SYNDIG1: variants seen among roughly 807,000 people sequenced by gnomAD.
The protein encoded by SYNDIG1 is synapse differentiation-inducing gene protein 1.
A neutral mutation model predicts 19.4 loss-of-function variants in SYNDIG1; 9 were observed. The observed-to-expected ratio is 0.46, with a 90% CI of 0.28 to 0.81. The LOEUF (loss-of-function observed/expected upper bound fraction) is 0.81. Among genes scored for constraint, SYNDIG1 ranks in the 30% least tolerant of loss-of-function variants. The pLI, the probability that SYNDIG1 is intolerant of heterozygous loss-of-function variation, is 0.12. For missense variants in SYNDIG1, 311 were observed against 343.3 expected (o/e 0.91, Z 0.74); for synonymous variants, 141 against 145.9 (o/e 0.97, Z 0.24).
chr20:24,584,879 G>C lies in SYNDIG1; in HGVS notation c.504G>C (p.Glu168Asp), dbSNP rs1262202628. 1 of 1,614,050 alleles carries C rather than the reference G, an allele frequency of 6.2e-7. No homozygotes were observed. Among genetic ancestry groups the C allele is most frequent in the Non-Finnish European group, 8.5e-7 (1 of 1,180,036 alleles). ...AGAGCGACTACTCAAGCGACACAGA[G>C]AGTGAGGACAATTTCCTCATGATGC... ...ELESDYSSDT[E>D]SEDNFLMMPP... The change falls in exon 3 of 4, where the codon GAG becomes GAC. Residue 168 changes from glutamate to aspartate, a missense_variant. Transcript: ENST00000376862.
chr20:24,608,066 C>T (rs2058785465), intron 3 of SYNDIG1, among the ~76,000 whole-genome samples: 1 of 152,082 alleles, frequency 6.6e-6, no homozygotes, highest in East Asian at 1.9e-4. Context: ...TTTAGTGTTT[C>T]CTTCCAGTTG....
At chr20:24,563,625 A>G (rs1020351408) in intron 2 of SYNDIG1, among the ~76,000 whole-genome samples, 6 of 152,196 alleles carry the variant, frequency 3.9e-5, no homozygotes, top group Non-Finnish European at 8.8e-5. Context: ...ATTTAGAGAT[A>G]GGGTCTTGCT....
At chr20:24,563,368 T>G (rs541708490) in intron 2 of SYNDIG1, among the ~76,000 whole-genome samples, 1 of 152,274 alleles carries the variant, frequency 6.6e-6, no homozygotes, top group Admixed American at 6.5e-5. Flanking sequence ...AAAGTTAGAT[T>G]TGTCTTATCT....
chr20:24,517,708 G>GTATA (rs1056201078), intron 1 of SYNDIG1, among the ~76,000 whole-genome samples: 1 of 143,524 alleles, frequency 7.0e-6, no homozygotes, highest in Non-Finnish European at 1.5e-5. Flanking sequence ...ATATATATGT[G>GTATA]TATATATATG....
chr20:24,613,922 G>A (rs2058887796), intron 3 of SYNDIG1, among the ~76,000 whole-genome samples: 1 of 152,228 alleles, frequency 6.6e-6, no homozygotes, highest in Admixed American at 6.5e-5. Flanking sequence ...GTAGGGGAGA[G>A]AGGCTGTTAC....
intron 2 of SYNDIG1, among the ~76,000 whole-genome samples, chr20:24,580,581 A>AT (rs1023311235): frequency 6.6e-6 from 1 of 151,902 alleles, no homozygotes; most frequent in Non-Finnish European, 1.5e-5. Context: ...AGCTATTTAT[A>AT]TTTTTTTAGT....
At chr20:24,535,954 C>T (rs903202399) in intron 1 of SYNDIG1, among the ~76,000 whole-genome samples, 1 of 152,194 alleles carries the variant, frequency 6.6e-6, no homozygotes, top group Non-Finnish European at 1.5e-5. Flanking sequence ...CATCTGTTTT[C>T]ATCAGTGAAG....
intron 1 of SYNDIG1, among the ~76,000 whole-genome samples, chr20:24,537,382 T>G (rs2057382920): frequency 6.6e-6 from 1 of 152,088 alleles, no homozygotes; most frequent in Non-Finnish European, 1.5e-5. Context: ...CCTTCAGTGG[T>G]CAGTCCACAG....
intron 1 of SYNDIG1, among the ~76,000 whole-genome samples, chr20:24,488,863 CG>C (rs2056047901): frequency 6.6e-6 from 1 of 152,184 alleles, no homozygotes; most frequent in African/African-American, 2.4e-5. Flanking sequence ...AGAGCATCCC[CG>C]GGCGCTCGGA....
intron 1 of SYNDIG1, among the ~76,000 whole-genome samples, chr20:24,513,357 G>A (rs1057165740): frequency 1.1e-4 from 17 of 152,136 alleles, no homozygotes; most frequent in African/African-American, 3.6e-4. Flanking sequence ...AACCCAATGC[G>A]AAGAAGCTAA....
chr20:24,643,389 C>T (rs1202695181), intron 3 of SYNDIG1, among the ~76,000 whole-genome samples: 3 of 151,914 alleles, frequency 2.0e-5, no homozygotes, highest in East Asian at 3.9e-4. Context: ...TGAGCAGTAA[C>T]TTTATCAGCT....
chr20:24,498,157 G>A (rs992197402), intron 1 of SYNDIG1, among the ~76,000 whole-genome samples: 4 of 152,174 alleles, frequency 2.6e-5, no homozygotes, highest in East Asian at 1.9e-4. Flanking sequence ...AAAGCTGTGC[G>A]TGTTTAACGT....
At chr20:24,518,340 T>C (rs904109241) in intron 1 of SYNDIG1, among the ~76,000 whole-genome samples, 4 of 152,052 alleles carry the variant, frequency 2.6e-5, no homozygotes, top group African/African-American at 9.7e-5. Flanking sequence ...CAATGGGGAC[T>C]CTTTGCAGTC....
At chr20:24,637,011 A>T (rs1279758135) in intron 3 of SYNDIG1, among the ~76,000 whole-genome samples, 1 of 152,254 alleles carries the variant, frequency 6.6e-6, no homozygotes, top group African/African-American at 2.4e-5. Flanking sequence ...TTTCCCCTGC[A>T]CATGGGAAGT....
chr20:24,520,047 G>T (rs1440506578), intron 1 of SYNDIG1, among the ~76,000 whole-genome samples: 3 of 151,834 alleles, frequency 2.0e-5, no homozygotes, highest in Non-Finnish European at 4.4e-5. Context: ...CTTTTCATTT[G>T]TTCCTATTTC....
chr20:24,492,431 A>T (rs1401106921), intron 1 of SYNDIG1, among the ~76,000 whole-genome samples: 1 of 152,200 alleles, frequency 6.6e-6, no homozygotes, highest in Non-Finnish European at 1.5e-5. Context: ...TATCTTGGGA[A>T]AGACTTTGGT....
intron 1 of SYNDIG1, among the ~76,000 whole-genome samples, chr20:24,534,733 G>A (rs998336023): frequency 2.6e-5 from 4 of 152,264 alleles, no homozygotes; most frequent in Middle Eastern, 3.4e-3. Flanking sequence ...CTACACCCCC[G>A]CACTCAACAC....
chr20:24,490,930 G>T (rs1308325896), intron 1 of SYNDIG1, among the ~76,000 whole-genome samples: 1 of 152,192 alleles, frequency 6.6e-6, no homozygotes, highest in African/African-American at 2.4e-5. Flanking sequence ...AGAGGAGAAG[G>T]CCTGGGCCAA....
chr20:24,600,410 A>G lies in SYNDIG1; in HGVS notation c.618+15417A>G, dbSNP rs138320925. Among the ~76,000 whole-genome samples, 9 of 152,248 alleles carry G rather than the reference A, an allele frequency of 5.9e-5. No homozygotes were observed. In the East Asian group the frequency reaches 1.7e-3, roughly 29 times the overall value. ...GCAAGTGGCCAAGTCACCATCACCC[A>G]GGTCAGGAATGTCCCTGGGACCCCC... is the stretch of plus-strand genomic sequence containing the variant. On this transcript the variant is annotated intron_variant, in intron 3 of 3. Coordinates refer to ENST00000376862, the MANE Select transcript of SYNDIG1 (RefSeq NM_024893.3).
Sources: allele counts gnomAD v4.1 joint callset (sites outside exome capture counted in the v4.1 genomes callset), GRCh38; gene constraint gnomAD v4.1.1; transcripts MANE v1.5; gene names NCBI Gene and HGNC (gene_info 2026-07-23, HGNC 2026-07-21).